RBMS3: variants seen among roughly 807,000 people sequenced by gnomAD.
RBMS3 encodes the protein RNA-binding motif, single-stranded-interacting protein 3.
Under a neutral mutation model 66.8 loss-of-function variants are expected in RBMS3, and 27 were observed. That is an observed-to-expected ratio of 0.40 (90% CI 0.30 to 0.56). The LOEUF is 0.56. Among genes scored for constraint, RBMS3 ranks in the 20% least tolerant of loss-of-function variants. RBMS3 has a pLI of 0.40. For missense variants in RBMS3, 513 were observed against 549.5 expected (o/e 0.93, Z 0.66); for synonymous variants, 188 against 183.0 (o/e 1.03, Z -0.22).
At chr3:29,619,006 G>GTGTGTGAGAGAT (rs1156787034) in intron 4 of RBMS3, among the ~76,000 whole-genome samples, 6 of 152,198 alleles carry the variant, frequency 3.9e-5, no homozygotes, top group Non-Finnish European at 7.3e-5. Flanking sequence ...GTGTGAGAGA[G>GTGTGTGAGAGAT]TATGTGAGAA....
At chr3:29,611,458 G>T (rs2048489756) in intron 4 of RBMS3, among the ~76,000 whole-genome samples, 1 of 151,890 alleles carries the variant, frequency 6.6e-6, no homozygotes, top group African/African-American at 2.4e-5. Flanking sequence ...GAATGTATGA[G>T]TACACCAAAC....
chr3:29,949,068 G>A (rs764582428), intron 12 of RBMS3, among the ~76,000 whole-genome samples: 18 of 151,446 alleles, frequency 1.2e-4, no homozygotes, highest in Middle Eastern at 3.4e-3. Flanking sequence ...TATTTTGTTC[G>A]CTAAATTATA....
At chr3:29,422,209 A>G (rs916509226) in intron 1 of RBMS3, among the ~76,000 whole-genome samples, 3 of 152,172 alleles carry the variant, frequency 2.0e-5, no homozygotes, top group African/African-American at 7.2e-5. Flanking sequence ...ATACAATGAC[A>G]ATAATGTTCC....
chr3:29,885,501 C>G (rs901282812), intron 8 of RBMS3, among the ~76,000 whole-genome samples: 2 of 151,712 alleles, frequency 1.3e-5, no homozygotes, highest in African/African-American at 4.8e-5. Flanking sequence ...GTGATAGTGA[C>G]TGAAAATAGA....
chr3:29,823,488 A>G (rs769471715), intron 6 of RBMS3, among the ~76,000 whole-genome samples: 20 of 152,340 alleles, frequency 1.3e-4, no homozygotes, highest in Non-Finnish European at 1.9e-4. Context: ...CATTTCTAAC[A>G]TTCGTCCATT....
intron 1 of RBMS3, among the ~76,000 whole-genome samples, chr3:29,352,947 C>T (rs2037005042): frequency 6.6e-6 from 1 of 150,962 alleles, no homozygotes; most frequent in African/African-American, 2.4e-5. Context: ...TATGGCTGTA[C>T]AGTATTTCAT....
intron 6 of RBMS3, among the ~76,000 whole-genome samples, chr3:29,765,435 A>G (rs2055882053): frequency 1.3e-5 from 2 of 151,962 alleles, no homozygotes; most frequent in Non-Finnish European, 2.9e-5. Context: ...TCATTACTTT[A>G]GAGAGTGTGT....
At chr3:29,372,718 TGGGAAAA>T (rs2038268833) in intron 1 of RBMS3, among the ~76,000 whole-genome samples, 1 of 152,074 alleles carries the variant, frequency 6.6e-6, no homozygotes, top group Non-Finnish European at 1.5e-5. Flanking sequence ...TCTTGTGTGA[TGGGAAAA>T]GGGAAACTAC....
intron 6 of RBMS3, among the ~76,000 whole-genome samples, chr3:29,832,672 A>G (rs2149490511): frequency 6.6e-6 from 1 of 152,194 alleles, no homozygotes; most frequent in Admixed American, 6.5e-5. Flanking sequence ...CTTCTTTCTA[A>G]CCCCACCCAG....
chr3:29,901,108 C>A (rs987137223), intron 10 of RBMS3, among the ~76,000 whole-genome samples: 2 of 151,710 alleles, frequency 1.3e-5, no homozygotes, highest in East Asian at 1.9e-4. Flanking sequence ...TATTTACACA[C>A]CTTGAGGGCT....
At chr3:29,642,969 T>C (rs1334616246) in intron 4 of RBMS3, among the ~76,000 whole-genome samples, 1 of 152,128 alleles carries the variant, frequency 6.6e-6, no homozygotes, top group Non-Finnish European at 1.5e-5. Context: ...TCATTTACCA[T>C]CAGAGATTAA....
intron 4 of RBMS3, among the ~76,000 whole-genome samples, chr3:29,592,949 A>T (rs2047804327): frequency 7.0e-6 from 1 of 143,004 alleles, no homozygotes; most frequent in Non-Finnish European, 1.5e-5. Flanking sequence ...ATAGGTGGGA[A>T]TTGAACAATG....
chr3:29,860,744 C>A (rs2059192215), intron 6 of RBMS3, among the ~76,000 whole-genome samples: 1 of 152,188 alleles, frequency 6.6e-6, no homozygotes, highest in Admixed American at 6.5e-5. Flanking sequence ...TGTTAAAATG[C>A]TCCTGAGTTT....
intron 12 of RBMS3, among the ~76,000 whole-genome samples, chr3:29,953,582 G>GA (rs1257006906): frequency 6.6e-6 from 1 of 151,922 alleles, no homozygotes; most frequent in African/African-American, 2.4e-5. Context: ...GCAAACATGA[G>GA]AGAGGGTAAA....
intron 10 of RBMS3, chr3:29,925,290 A>G (rs534022923): frequency 6.6e-6 from 1 of 152,260 alleles, no homozygotes; most frequent in Non-Finnish European, 1.5e-5. Context: ...GTCTCTTACT[A>G]TTCTATGCGG....
chr3:29,792,835 C>T (rs944365593), intron 6 of RBMS3, among the ~76,000 whole-genome samples: 10 of 152,042 alleles, frequency 6.6e-5, no homozygotes, highest in Middle Eastern at 3.2e-3. Context: ...ATAAATGGAA[C>T]CAAAGCAAAG....
Position 29,962,015 on chromosome 3 carries a change from T to G in RBMS3, c.1098+17761T>G, listed in dbSNP as rs187998875. Among the ~76,000 whole-genome samples the G allele has an allele frequency of 8.8e-3, 1,288 of 146,060 alleles. 15 individuals are homozygous for G. The highest frequency in any genetic ancestry group is 0.029 in the African/African-American group (1,178 of 40,156). On this transcript the variant is annotated intron_variant, in intron 12 of 14. Coordinates refer to ENST00000383767, the MANE Select transcript of RBMS3 (RefSeq NM_001003793.3). ...TATATAATATATATATTATATATTTTTATATATATTTTGTATGTATAATAT... is the reference window on the plus strand; with the variant it reads ...TATATAATATATATATTATATATTTGTATATATATTTTGTATGTATAATAT...
intron 4 of RBMS3, among the ~76,000 whole-genome samples, chr3:29,611,154 A>G (rs1193014743): frequency 6.6e-6 from 1 of 152,026 alleles, no homozygotes; most frequent in African/African-American, 2.4e-5. Flanking sequence ...ATGCAGTTCA[A>G]TGACATATTT....
chr3:29,396,818 TC>T (rs1283869017), intron 1 of RBMS3, among the ~76,000 whole-genome samples: 1 of 152,188 alleles, frequency 6.6e-6, no homozygotes, highest in Non-Finnish European at 1.5e-5. Context: ...AGTTGAGGCT[TC>T]TGTTTATTTG....
Sources: allele counts gnomAD v4.1 joint callset (sites outside exome capture counted in the v4.1 genomes callset), GRCh38; gene constraint gnomAD v4.1.1; transcripts MANE v1.5; gene names NCBI Gene and HGNC (gene_info 2026-07-23, HGNC 2026-07-21).